ERCC2: variants seen among roughly 807,000 people sequenced by gnomAD.
ERCC2 encodes general transcription and DNA repair factor IIH helicase subunit XPD.
In ERCC2, 90 loss-of-function variants were observed where a neutral mutation model predicts 99.4. The ratio of observed to expected loss-of-function variants is 0.91; its 90% CI spans 0.76 to 1.08. The LOEUF (loss-of-function observed/expected upper bound fraction) is 1.08. Among genes scored for constraint, ERCC2 ranks in the 50% least tolerant of loss-of-function variants. ERCC2 has a pLI of 0.00. For missense variants in ERCC2, 993 were observed against 1,038.1 expected, an observed-to-expected ratio of 0.96 and a Z score of 0.60; for synonymous variants, 497 against 432.4, an observed-to-expected ratio of 1.15 and a Z score of -1.85.
intron 12 of ERCC2, among the ~76,000 whole-genome samples, chr19:45,359,998 C>T (rs766313190): frequency 6.6e-5 from 10 of 152,006 alleles, no homozygotes; most frequent in Admixed American, 1.3e-4. Flanking sequence ...TGGTCTCGAA[C>T]TCCTGACCTC....
intron 1 of ERCC2, 142 bp downstream of exon 1, chr19:45,370,394 A>G (rs935538062): frequency 2.7e-6 from 4 of 1,498,828 alleles, no homozygotes; most frequent in African/African-American, 2.8e-5. Context: ...CCTCGCTATC[A>G]CTGCTGCTCC....
chr19:45,363,964 G>A, intron 10 of ERCC2, 22 bp downstream of exon 10: 3 of 1,537,818 alleles, frequency 2.0e-6, no homozygotes, highest in Non-Finnish European at 2.6e-6. Flanking sequence ...GGACTGGGGG[G>A]CAGCGGGGGG....
At chr19:45,352,483 C>G in intron 21 of ERCC2, 23 bp downstream of exon 21, 1 of 1,614,132 alleles carries the variant, frequency 6.2e-7, no homozygotes, top group Non-Finnish European at 8.5e-7. Context: ...GATGGGAGCA[C>G]AGGGGCACCC....
chr19:45,352,919 G>A, intron 19 of ERCC2, 103 bp from the exon 20 acceptor site: 2 of 1,272,812 alleles, frequency 1.6e-6, no homozygotes, highest in Non-Finnish European at 2.3e-6. Context: ...TGGGGGGAGA[G>A]GGTGTGTTCC....
intron 15 of ERCC2, among the ~76,000 whole-genome samples, chr19:45,356,202 T>A (rs1355428311): frequency 6.6e-6 from 1 of 152,080 alleles, no homozygotes; most frequent in Non-Finnish European, 1.5e-5. Flanking sequence ...CCGGCGGGCA[T>A]CCCACCAGCC....
rs377547718 is a variant in ERCC2 at position 45,350,714 on chromosome 19, G to A, written c.*915C>T. The stretch of plus-strand genomic sequence containing the variant: ...CGAGGAAGTGAGAAGCTGGTCTCCC[G>A]GCTCCGAGGCGAGGCGGCGGCAGGA... On this transcript the variant is annotated 3_prime_UTR_variant, in exon 23 of 23. Transcript: ENST00000391945. 2.7e-5 allele frequency: 43 copies of A among 1,613,238 alleles called. No individual in the cohort carries two copies. Among genetic ancestry groups the A allele is most frequent in the Middle Eastern group, 1.6e-4 (1 of 6,068 alleles).
chr19:45,370,079 A>G, intron 2 of ERCC2, 54 bp downstream of exon 2: 1 of 1,565,628 alleles, frequency 6.4e-7, no homozygotes. Context: ...TCTTAGGCCC[A>G]GGCGTGGCAG....
intron 11 of ERCC2, 95 bp from the exon 12 acceptor site, chr19:45,361,737 T>C (rs774716615): frequency 2.8e-5 from 27 of 963,616 alleles, no homozygotes; most frequent in Non-Finnish European, 4.5e-5. Context: ...CGTGCCTGTC[T>C]CCCCAGCCAA....
intron 11 of ERCC2, among the ~76,000 whole-genome samples, chr19:45,362,673 G>A (rs1015255497): frequency 3.9e-5 from 6 of 152,348 alleles, no homozygotes; most frequent in East Asian, 1.9e-4. Flanking sequence ...GAGCCTCTAC[G>A]GCTGTGTCCC....
chr19:45,352,793 T>C lies in ERCC2; in HGVS notation c.1855A>G (p.Ile619Val), dbSNP rs769584706. The change falls in exon 20 of 23, where the codon ATC (isoleucine) becomes GTC (valine). Residue 619 changes from isoleucine (I) to valine (V), a missense_variant. Physicochemically the swap from Ile to Val is conservative, Grantham distance 29 (BLOSUM62 3). Coordinates refer to ENST00000391945, the MANE Select transcript of ERCC2 (RefSeq NM_000400.4). Reference sequence around the variant, plus strand: ...TAGACGTAGGGGACGCCAAACATGATGACGGCCCGCCCGTAGTGGTGCACT... The same window carrying C: ...TAGACGTAGGGGACGCCAAACATGACGACGGCCCGCCCGTAGTGGTGCACT... Reference protein sequence around the residue: ...DFVHHYGRAVIMFGVPYVYTQ... With the variant: ...DFVHHYGRAVVMFGVPYVYTQ... 14 of 1,612,938 alleles carry C rather than the reference T, an allele frequency of 8.7e-6. No homozygotes were observed. Among genetic ancestry groups the C allele is most frequent in the Middle Eastern group, 3.3e-4 (2 of 6,082 alleles).
chr19:45,364,471 T>C lies in ERCC2; in HGVS notation c.671A>G (p.Glu224Gly), dbSNP rs1972351972. 4 of 1,613,998 alleles carry C rather than the reference T, an allele frequency of 2.5e-6. No individual in the cohort carries two copies. Among genetic ancestry groups the C allele is most frequent in the Middle Eastern group, 1.7e-4 (1 of 6,042 alleles). The change falls in exon 8 of 23, where the codon GAA becomes GGA. Residue 224 changes from glutamate to glycine, a missense_variant. Transcript: ENST00000391945. Reference protein sequence around the residue: ...DPKIADLVSKELARKAVVVFD... With the variant: ...DPKIADLVSKGLARKAVVVFD... ...GACCACGACGGCCTTGCGGGCCAGTTCCTTGGACACCAGGTCTGCAATCTT... is the reference window on the plus strand; with the variant it reads ...GACCACGACGGCCTTGCGGGCCAGTCCCTTGGACACCAGGTCTGCAATCTT...
chr19:45,369,347 C>T (rs779564831), intron 2 of ERCC2, among the ~76,000 whole-genome samples, 200 bp from the exon 3 acceptor site: 6 of 152,092 alleles, frequency 3.9e-5, no homozygotes, highest in Non-Finnish European at 8.8e-5. Context: ...CCTTCACCTC[C>T]CCAGACCTCA....
chr19:45,361,423 C>A, intron 12 of ERCC2, 101 bp downstream of exon 12: 1 of 873,564 alleles, frequency 1.1e-6, no homozygotes, highest in Non-Finnish European at 2.0e-6. Flanking sequence ...AGCCAAACCC[C>A]ACAAAGCCCT....
In ERCC2 at chr19:45,364,082, AC is replaced by A. The variant is rs1185007661; in HGVS notation, c.852del (p.Glu284AspfsTer50). ...CGCAGCCCCTCCACCAGACGCCGGT[AC>A]TCGTCCCGCAGGCGCTGCTCGTCTG... is the stretch of plus-strand genomic sequence containing the variant. Reference protein sequence around the residue: ...KETDEQRLRDEYRRLVEGLRE... With the variant: ...KETDEQRLRDXYRRLVEGLRE... On this transcript the variant is annotated frameshift_variant, in exon 10 of 23. Coordinates refer to ENST00000391945, the MANE Select transcript of ERCC2 (RefSeq NM_000400.4). LOFTEE classifies it high-confidence loss of function. The A allele has an allele frequency of 3.8e-6, 6 of 1,599,084 alleles. No homozygotes were observed. In the Admixed American group the frequency reaches 6.9e-5, roughly 18 times the overall value.
At chr19:45,368,202 G>GC (rs1972493261) in intron 5 of ERCC2, among the ~76,000 whole-genome samples, 1 of 152,062 alleles carries the variant, frequency 6.6e-6, no homozygotes, top group African/African-American at 2.4e-5. Context: ...CATTCTTTTA[G>GC]CTCTTTGTAC....
At position 45,365,159 on chromosome 19, in the gene ERCC2, C is replaced by T. The variant is rs773645934; in HGVS notation, c.361-1G>A. On this transcript the variant is annotated splice_acceptor_variant, in intron 5 of 22. Transcript: ENST00000391945. LOFTEE classifies it high-confidence loss of function. ...CCTTCCCAAAGCGCAGGGGTGTCAC[C>T]TGGGGGTGTGGGGCATCTTAGCACC... 6.2e-6 allele frequency: 10 copies of T among 1,613,318 alleles called. No individual in the cohort carries two copies. The highest frequency in any genetic ancestry group is 5.9e-6 in the Non-Finnish European group (7 of 1,179,368).
intron 21 of ERCC2, 69 bp from the exon 22 acceptor site, chr19:45,352,421 A>G (rs1599724317): frequency 6.2e-7 from 1 of 1,613,618 alleles, no homozygotes; most frequent in Non-Finnish European, 8.5e-7. Flanking sequence ...CCACCCTGCA[A>G]CCCACCCCAC....
chr19:45,368,057 A>G (rs967380226), intron 5 of ERCC2, among the ~76,000 whole-genome samples: 2 of 151,978 alleles, frequency 1.3e-5, no homozygotes, highest in Admixed American at 1.3e-4. Context: ...TATTTTTAGT[A>G]GAAATGGGGT....
At position 45,351,499 on chromosome 19, in the gene ERCC2, A is replaced by C; in HGVS notation, c.*130T>G. ...GATAGCTGCCTTCTCCTGCGATTAA[A>C]GGCTGTGGACGTGACAGTGAGAAAT... On this transcript the variant is annotated 3_prime_UTR_variant, in exon 23 of 23. Coordinates refer to ENST00000391945, the MANE Select transcript of ERCC2 (RefSeq NM_000400.4). 2 of 1,594,220 alleles carry C rather than the reference A, an allele frequency of 1.3e-6. No individual in the cohort carries two copies. The highest frequency in any genetic ancestry group is 1.7e-6 in the Non-Finnish European group (2 of 1,174,778).
Sources: gnomAD v4.1 joint callset for allele counts (sites outside exome capture counted in the v4.1 genomes callset) on GRCh38, gnomAD v4.1.1 for gene constraint, MANE v1.5 for transcripts, NCBI Gene and HGNC (gene_info 2026-07-23, HGNC 2026-07-21) for gene names.